TRIM11: variants seen among roughly 807,000 people sequenced by gnomAD.
TRIM11 encodes E3 ubiquitin-protein ligase TRIM11.
TRIM11 carries 15 observed loss-of-function variants against 33.4 expected under a neutral mutation model. The ratio of observed to expected loss-of-function variants is 0.45; its 90% CI spans 0.30 to 0.69. TRIM11 has a LOEUF of 0.69. Among genes scored for constraint, TRIM11 ranks in the 30% least tolerant of loss-of-function variants. TRIM11 has a pLI of 0.08. For synonymous variants in TRIM11, 281 were observed against 302.6 expected, an observed-to-expected ratio of 0.93 and a Z score of 0.74; for missense variants, 499 against 667.6, an observed-to-expected ratio of 0.75 and a Z score of 2.78.
Position 228,402,046 on chromosome 1 carries a change from C to T in TRIM11, c.504+20G>A, listed in dbSNP as rs779423973. ...ACCCCCTACCCTGCCACCCAGGACC[C>T]TGGGAGCCCCAGCACCTGCCTGCCA... On this transcript the variant is annotated intron_variant, in intron 2 of 5. Transcript: ENST00000284551. 6.2e-7 allele frequency: 1 copy of T among 1,606,920 alleles called. No homozygotes were observed. Among genetic ancestry groups the T allele is most frequent in the Non-Finnish European group, 8.5e-7 (1 of 1,175,950 alleles).
chr1:228,394,434 G>A lies in TRIM11; in HGVS notation c.*271C>T, dbSNP rs1358131186. On this transcript the variant is annotated 3_prime_UTR_variant, in exon 6 of 6. Coordinates refer to ENST00000284551, the MANE Select transcript of TRIM11 (RefSeq NM_145214.3). This position sits in a 1 kb window ranked among gnomAD's most constrained non-coding sequence, Gnocchi z 6.2. ...ACAGGCCAGAGCTGCCGGGGCAATG[G>A]GGCTCCCAGCTTTGGTAAGGGCTGT... 1.5e-5 allele frequency: 7 copies of A among 470,518 alleles called. No individual in the cohort carries two copies. The Admixed American group carries it at 2.3e-4, about 16-fold the overall frequency. 29.1% of individuals were successfully genotyped at this position (470,518 alleles called of 1,614,324 possible).
rs368490209 is a variant in TRIM11, at chr1:228,401,962, G to A, written c.504+104C>T. ...CTGAAGCAGTGACTGGTCCTGGGGC[G>A]CCAAGGGCAAGTGTGCCTGGCCAGC... is the stretch of plus-strand genomic sequence containing the variant. On this transcript the variant is annotated intron_variant, in intron 2 of 5. Coordinates refer to ENST00000284551, the MANE Select transcript of TRIM11 (RefSeq NM_145214.3). The surrounding 1 kb of genome is among the most constrained non-coding windows in gnomAD (Gnocchi z 6.1). 2.9e-4 allele frequency: 248 copies of A among 859,134 alleles called. 1 individual carries two copies. Among genetic ancestry groups the A allele is most frequent in the East Asian group, 2.3e-3 (75 of 32,964 alleles). 53.2% of individuals were successfully genotyped at this position (859,134 alleles called of 1,614,324 possible).
In TRIM11 at chr1:228,402,165, C is replaced by A. The variant is rs115299523; in HGVS notation, c.409-4G>T. 1.1e-3 allele frequency: 1,732 copies of A among 1,609,490 alleles called. 9 individuals carry two copies. The African/African-American group carries it at 0.018, about 17-fold the overall frequency. On this transcript the variant is annotated splice_polypyrimidine_tract_variant and splice_region_variant and intron_variant, in intron 1 of 5. Transcript: ENST00000284551. ...CCAGTGACTTCTCCAGCTTCGCCTG[C>A]GGGAGAGGCCAGGCAGGACCATGAG...
At position 228,402,000 on chromosome 1, in the gene TRIM11, G is replaced by A; in HGVS notation, c.504+66C>T. 1 of 1,347,694 alleles carries A rather than the reference G, an allele frequency of 7.4e-7. No homozygotes were observed. The highest frequency in any genetic ancestry group is 1.0e-6 in the Non-Finnish European group (1 of 975,386). The allele number at this position is 1,347,694 out of a possible 1,614,324, so 83.5% of individuals were successfully genotyped here. ...GTGCCTGGCCAGCATCGCCCCCTGG[G>A]GTCTCCTATACAGGACCTTCACCCC... On this transcript the variant is annotated intron_variant, in intron 2 of 5. Transcript: ENST00000284551. The surrounding 1 kb of genome is among the most constrained non-coding windows in gnomAD (Gnocchi z 6.1).
In TRIM11 at chr1:228,401,868, G is replaced by A. The variant is rs769794943; in HGVS notation, c.504+198C>T. ...GGGCCCTTGCAGTATGGGAGCCCAC[G>A]CCCACGACCTGGCAGGACAGGTGCA... is the stretch of plus-strand genomic sequence containing the variant. On this transcript the variant is annotated intron_variant, in intron 2 of 5. Transcript: ENST00000284551. The surrounding 1 kb of genome is among the most constrained non-coding windows in gnomAD (Gnocchi z 6.1). Among the ~76,000 whole-genome samples, 10 of 152,086 alleles carry A rather than the reference G, an allele frequency of 6.6e-5. No homozygotes were observed. Among genetic ancestry groups the A allele is most frequent in the Non-Finnish European group, 1.3e-4 (9 of 68,018 alleles).
In TRIM11 at chr1:228,394,580, G is replaced by C. The variant is rs2074960861; in HGVS notation, c.*125C>G. On this transcript the variant is annotated 3_prime_UTR_variant, in exon 6 of 6. Coordinates refer to ENST00000284551, the MANE Select transcript of TRIM11 (RefSeq NM_145214.3). This position sits in a 1 kb window ranked among gnomAD's most constrained non-coding sequence, Gnocchi z 6.2. The stretch of plus-strand genomic sequence containing the variant: ...GGTTCTCCCACGCAGGCTCAGAAAG[G>C]CACCAGGAGTTCCTCCTCTTGCTCA... 1 of 1,093,268 alleles carries C rather than the reference G, an allele frequency of 9.1e-7. No individual in the cohort carries two copies. The highest frequency in any genetic ancestry group is 1.3e-6 in the Non-Finnish European group (1 of 784,704). 67.7% of individuals were successfully genotyped at this position (1,093,268 alleles called of 1,614,324 possible).
At position 228,406,048 on chromosome 1, in the gene TRIM11, A is replaced by C; in HGVS notation, c.408+106T>G. On this transcript the variant is annotated intron_variant, in intron 1 of 5. Coordinates refer to ENST00000284551, the MANE Select transcript of TRIM11 (RefSeq NM_145214.3). This position sits in a 1 kb window ranked among gnomAD's most constrained non-coding sequence, Gnocchi z 8.2. The stretch of plus-strand genomic sequence containing the variant: ...GCATCCTGAGCTCCCCGCCCTAGAC[A>C]GAGACAGATTACTCCCGGAGCAGTC... 2 of 1,244,918 alleles carry C rather than the reference A, an allele frequency of 1.6e-6. No homozygotes were observed. The highest frequency in any genetic ancestry group is 1.6e-5 in the African/African-American group (1 of 62,832). The allele number at this position is 1,244,918 out of a possible 1,614,324, so 77.1% of individuals were successfully genotyped here.
At chr1:228,399,895 A>AC (rs1475533295) in intron 3 of TRIM11, among the ~76,000 whole-genome samples, 1 of 151,710 alleles carries the variant, frequency 6.6e-6, no homozygotes, top group Non-Finnish European at 1.5e-5. Flanking sequence ...AAAAAACAAA[A>AC]AAAAAAAAAC....
chr1:228,404,658 A>G (rs2149094511), intron 1 of TRIM11: 1 of 152,346 alleles, frequency 6.6e-6, no homozygotes, highest in East Asian at 1.9e-4. Flanking sequence ...TCTCTCTACC[A>G]GGAAGAGGAG....
chr1:228,406,641 T>C lies in TRIM11; in HGVS notation c.-80A>G. ...CTCGGCAGCTCGCGGGGACGCGGGGTATCCGGGTGCGGCGGCGCAGGCTCG... is the reference window on the plus strand; with the variant it reads ...CTCGGCAGCTCGCGGGGACGCGGGGCATCCGGGTGCGGCGGCGCAGGCTCG... On this transcript the variant is annotated 5_prime_UTR_variant, in exon 1 of 6. It adds an upstream start codon to the 5' untranslated region. Coordinates refer to ENST00000284551, the MANE Select transcript of TRIM11 (RefSeq NM_145214.3). This position sits in a 1 kb window ranked among gnomAD's most constrained non-coding sequence, Gnocchi z 8.2. The C allele has an allele frequency of 7.7e-7, 1 of 1,303,812 alleles. No individual in the cohort carries two copies. The highest frequency in any genetic ancestry group is 1.5e-5 in the African/African-American group (1 of 64,650). 80.8% of individuals were successfully genotyped at this position (1,303,812 alleles called of 1,614,324 possible).
chr1:228,399,157 G>A (rs547561883), intron 3 of TRIM11, among the ~76,000 whole-genome samples: 107 of 152,132 alleles, frequency 7.0e-4, no homozygotes, highest in Admixed American at 2.1e-3. Context: ...CTGGGAACCC[G>A]GGTTGGGTTC....
chr1:228,402,634 T>A (rs1451906551), intron 1 of TRIM11: 1 of 153,252 alleles, frequency 6.5e-6, no homozygotes, highest in African/African-American at 2.4e-5. Flanking sequence ...CCCCCACAAA[T>A]TCATAGGTTG....
At position 228,401,149 on chromosome 1, in the gene TRIM11, G is replaced by A. The variant is rs752798123; in HGVS notation, c.550C>T (p.Arg184Cys). 1.3e-5 allele frequency: 21 copies of A among 1,613,562 alleles called. No homozygotes were observed. The highest frequency in any genetic ancestry group is 5.0e-5 in the Admixed American group (3 of 60,010). The change falls in exon 3 of 6, where the codon CGT becomes TGT. Residue 184 changes from arginine to cysteine, a missense_variant. By Grantham distance (180) the Arg-to-Cys change is radical. Transcript: ENST00000284551. The surrounding 1 kb of genome is among the most constrained non-coding windows in gnomAD (Gnocchi z 6.1). ...QRQNVLGEFE[R>C]LRRLLAEEEQ... ...TCCTCTGCCAGCAAACGGCGAAGAC[G>A]CTCGAACTCACCCAGCACGTTCTGC...
rs1321242096 is a variant in TRIM11 at position 228,402,110 on chromosome 1, A to G, written c.460T>C (p.Leu154=). The G allele has an allele frequency of 1.2e-6, 2 of 1,613,210 alleles. No individual in the cohort carries two copies. Among genetic ancestry groups the G allele is most frequent in the Non-Finnish European group, 1.7e-6 (2 of 1,179,618 alleles). Residue 154 remains leucine, a synonymous_variant, in exon 2 of 6, where the codon TTG becomes CTG. Coordinates refer to ENST00000284551, the MANE Select transcript of TRIM11 (RefSeq NM_145214.3). ...EHLRKQMQDA[L]LFQAQADETC... is the part of the protein sequence containing the mutation. The stretch of plus-strand genomic sequence containing the variant: ...TCATCCGCCTGGGCTTGGAACAGCA[A>G]CGCATCCTGCATCTGCTTCCGGAGA...
chr1:228,397,145 G>C lies in TRIM11; in HGVS notation c.756C>G (p.Arg252=). Residue 252 remains arginine, a splice_region_variant and synonymous_variant, in exon 4 of 6, where the codon CGC becomes CGG. Coordinates refer to ENST00000284551, the MANE Select transcript of TRIM11 (RefSeq NM_145214.3). ...TCCAGGAGAGGCTGGGTTCGTACCT[G>C]CGCAGGGCGTCCTTGATGTCCTATG... ...GLLQDIKDAL[R]RVQDVKLQPP... is the part of the protein sequence containing the mutation. 6.2e-7 allele frequency: 1 copy of C among 1,613,776 alleles called. No homozygotes were observed. The highest frequency in any genetic ancestry group is 1.1e-5 in the South Asian group (1 of 91,066).
rs779889817 is a variant in TRIM11, at chr1:228,406,587, G to T, written c.-26C>A. 4.9e-5 allele frequency: 71 copies of T among 1,435,970 alleles called. No individual in the cohort carries two copies. The highest frequency in any genetic ancestry group is 6.3e-5 in the Non-Finnish European group (69 of 1,093,820). 89.0% of individuals were successfully genotyped at this position (1,435,970 alleles called of 1,614,324 possible). A position where few individuals can be genotyped will look rare whatever the true frequency, so the allele number is the denominator to read the frequency against. On this transcript the variant is annotated 5_prime_UTR_variant, in exon 1 of 6. Transcript: ENST00000284551. This position sits in a 1 kb window ranked among gnomAD's most constrained non-coding sequence, Gnocchi z 8.2. ...GGCGCGGACAGAGGGGAGGAAGGCG[G>T]TACTGTCCGCGGGGCGGCGGCGGGC...
Position 228,401,833 on chromosome 1 carries a change from C to G in TRIM11, c.504+233G>C, listed in dbSNP as rs1366496707. 6.6e-6 allele frequency among the ~76,000 whole-genome samples: 1 copy of G among 152,152 alleles called. No individual in the cohort carries two copies. Among genetic ancestry groups the G allele is most frequent in the African/African-American group, 2.4e-5 (1 of 41,418 alleles). The stretch of plus-strand genomic sequence containing the variant: ...GAGTTGCCACCCAAGCATGCTGGGA[C>G]CCCAGGATGGGGCCCTTGCAGTATG... On this transcript the variant is annotated intron_variant, in intron 2 of 5. Transcript: ENST00000284551. This position sits in a 1 kb window ranked among gnomAD's most constrained non-coding sequence, Gnocchi z 6.1.
chr1:228,401,928 G>A lies in TRIM11; in HGVS notation c.504+138C>T, dbSNP rs1176645037. On this transcript the variant is annotated intron_variant, in intron 2 of 5. Coordinates refer to ENST00000284551, the MANE Select transcript of TRIM11 (RefSeq NM_145214.3). The surrounding 1 kb of genome is among the most constrained non-coding windows in gnomAD (Gnocchi z 6.1). ...GGACCAGCCCTTCAGTGGGCTCGGT[G>A]GGGCCAGGCTGAAGCAGTGACTGGT... The A allele has an allele frequency of 5.3e-6, 3 of 564,756 alleles. No homozygotes were observed. Among genetic ancestry groups the A allele is most frequent in the East Asian group, 6.8e-5 (2 of 29,268 alleles). 35.0% of individuals were successfully genotyped at this position (564,756 alleles called of 1,614,324 possible). A position where few individuals can be genotyped will look rare whatever the true frequency, so the allele number is the denominator to read the frequency against.
intron 5 of TRIM11, 74 bp downstream of exon 5, chr1:228,396,873 A>T: frequency 7.1e-7 from 1 of 1,408,718 alleles, no homozygotes; most frequent in Non-Finnish European, 1.0e-6. Flanking sequence ...GGCACAGAAC[A>T]CGTGGCTGGC....
Sources: gnomAD v4.1 joint callset for allele counts (sites outside exome capture counted in the v4.1 genomes callset) on GRCh38, gnomAD v4.1.1 for gene constraint, Gnocchi (gnomAD v3.1) non-coding constraint, MANE v1.5 for transcripts, NCBI Gene and HGNC (gene_info 2026-07-23, HGNC 2026-07-21) for gene names.